The following CCDC3 variants were observed in gnomAD, a reference collection of about 807,000 sequenced individuals.
The protein encoded by CCDC3 is coiled-coil domain-containing protein 3.
A neutral mutation model predicts 21.4 loss-of-function variants in CCDC3; 24 were observed. The observed-to-expected ratio is 1.12, with a 90% CI of 0.81 to 1.58. CCDC3 has a LOEUF of 1.58. Ranked by LOEUF, CCDC3 falls within the 40% of genes most tolerant of loss-of-function variation. The pLI, the probability that CCDC3 is intolerant of heterozygous loss-of-function variation, is 0.00. For missense variants in CCDC3, 425 were observed against 360.9 expected (o/e 1.18, Z -1.44); for synonymous variants, 186 against 166.0 (o/e 1.12, Z -0.93).
chr10:13,029,863 GA>G (rs1397097469), intron 5 of CCDC3, among the ~76,000 whole-genome samples: 1 of 152,204 alleles, frequency 6.6e-6, no homozygotes, highest in Non-Finnish European at 1.5e-5. Context: ...ATCTAGGTCT[GA>G]TTGGTATACC....
intron 5 of CCDC3, among the ~76,000 whole-genome samples, chr10:13,016,164 G>A (rs976347768): frequency 6.6e-6 from 1 of 151,850 alleles, no homozygotes; most frequent in Admixed American, 6.6e-5. Flanking sequence ...ATGGTCCAAA[G>A]TCAGATACTT....
chr10:12,898,224 G>T lies in CCDC3; in HGVS notation c.*192C>A, dbSNP rs556329048. 7 of 667,670 alleles carry T rather than the reference G, an allele frequency of 1.0e-5. No individual in the cohort carries two copies. In the African/African-American group the frequency reaches 1.1e-4, roughly 10 times the overall value. 41.4% of individuals were successfully genotyped at this position (667,670 alleles called of 1,614,324 possible). A position where few individuals can be genotyped will look rare whatever the true frequency, so the allele number is the denominator to read the frequency against. On this transcript the variant is annotated 3_prime_UTR_variant, in exon 3 of 3. Coordinates refer to ENST00000378825, the MANE Select transcript of CCDC3 (RefSeq NM_031455.4). ...TGGGGTCAGGCCAGGAAGGGGCAGC[G>T]CGTGGGGTCTGACATTGAGGCCAGC...
At chr10:13,072,036 A>G (rs1395423747) in intron 4 of CCDC3, among the ~76,000 whole-genome samples, 2 of 152,068 alleles carry the variant, frequency 1.3e-5, no homozygotes, top group Non-Finnish European at 2.9e-5. Flanking sequence ...GCAAAAGGGT[A>G]GTTTCATTTT....
intron 2 of CCDC3, among the ~76,000 whole-genome samples, chr10:12,914,840 T>G (rs1589002437): frequency 6.6e-6 from 1 of 152,208 alleles, no homozygotes; most frequent in Non-Finnish European, 1.5e-5. Context: ...TTCTGTATTA[T>G]TTTTCTACTC....
intron 5 of CCDC3, among the ~76,000 whole-genome samples, chr10:13,035,260 T>C (rs1377351362): frequency 5.3e-5 from 8 of 152,076 alleles, no homozygotes; most frequent in African/African-American, 1.9e-4. Context: ...CTTAGGTTAT[T>C]TTTTCTGCTA....
intron 5 of CCDC3, among the ~76,000 whole-genome samples, chr10:13,030,172 G>T (rs539842272): frequency 2.1e-4 from 32 of 152,356 alleles, no homozygotes; most frequent in African/African-American, 7.7e-4. Flanking sequence ...CCAGAAGAGA[G>T]TGGGAGCTAA....
chr10:13,067,695 G>C (rs914578540), intron 4 of CCDC3, among the ~76,000 whole-genome samples: 1 of 152,072 alleles, frequency 6.6e-6, no homozygotes, highest in South Asian at 2.1e-4. Flanking sequence ...TTTGATATCT[G>C]CATGATCTGT....
At chr10:13,082,589 G>A (rs1429985506) in intron 3 of CCDC3, among the ~76,000 whole-genome samples, 1 of 152,178 alleles carries the variant, frequency 6.6e-6, no homozygotes, top group East Asian at 1.9e-4. Context: ...GGGAAAGGGA[G>A]ACTCCCTTTC....
chr10:12,983,679 AAAAAT>A (rs946735041), intron 2 of CCDC3, among the ~76,000 whole-genome samples: 2 of 152,164 alleles, frequency 1.3e-5, no homozygotes, highest in African/African-American at 4.8e-5. Flanking sequence ...AAAAAAAAAA[AAAAAT>A]GGGCAAAAGA....
At chr10:13,063,824 T>C (rs1836791097) in intron 4 of CCDC3, among the ~76,000 whole-genome samples, 1 of 152,222 alleles carries the variant, frequency 6.6e-6, no homozygotes, top group African/African-American at 2.4e-5. Flanking sequence ...TTGTATGTTC[T>C]AGCTCTCTGC....
At chr10:12,971,502 C>T (rs1387105671) in intron 2 of CCDC3, among the ~76,000 whole-genome samples, 1 of 152,166 alleles carries the variant, frequency 6.6e-6, no homozygotes, top group Non-Finnish European at 1.5e-5. Flanking sequence ...GATCCAGTGT[C>T]CTCCTGGCAT....
chr10:12,970,124 A>G (rs137989807), intron 2 of CCDC3, among the ~76,000 whole-genome samples: 100 of 152,220 alleles, frequency 6.6e-4, no homozygotes, highest in African/African-American at 2.4e-3. Context: ...TGGTAATTTA[A>G]AAGTTACAGG....
At chr10:13,018,291 T>C (rs1012984633) in intron 5 of CCDC3, among the ~76,000 whole-genome samples, 3 of 151,272 alleles carry the variant, frequency 2.0e-5, no homozygotes, top group Non-Finnish European at 4.4e-5. Context: ...TGGAGGGGAG[T>C]CTTCCTGCTG....
intron 2 of CCDC3, among the ~76,000 whole-genome samples, chr10:12,972,964 G>A (rs1018334621): frequency 3.3e-5 from 5 of 152,200 alleles, no homozygotes; most frequent in African/African-American, 2.4e-5. Context: ...TGCAGCTCGT[G>A]ACCAGGCAGC....
chr10:13,068,307 C>T (rs1038022246), intron 4 of CCDC3, among the ~76,000 whole-genome samples: 5 of 152,016 alleles, frequency 3.3e-5, no homozygotes, highest in African/African-American at 1.2e-4. Flanking sequence ...ACAGCTACTG[C>T]ATTTTCTTCT....
chr10:13,031,268 G>T (rs1836297029), intron 5 of CCDC3, among the ~76,000 whole-genome samples: 1 of 152,092 alleles, frequency 6.6e-6, no homozygotes, highest in Non-Finnish European at 1.5e-5. Context: ...CGAAATGAAG[G>T]CAGAAATAAA....
At chr10:12,955,214 GAAGTA>G (rs1231769403) in intron 2 of CCDC3, among the ~76,000 whole-genome samples, 2 of 152,194 alleles carry the variant, frequency 1.3e-5, no homozygotes, top group Non-Finnish European at 2.9e-5. Context: ...TTTCCTTAAA[GAAGTA>G]AAGATCCCTT....
intron 3 of CCDC3, among the ~76,000 whole-genome samples, chr10:13,080,681 C>T (rs963312859): frequency 8.5e-5 from 13 of 152,186 alleles, no homozygotes; most frequent in Non-Finnish European, 1.6e-4. Flanking sequence ...CATTAGGGGC[C>T]CTCCAGCGCA....
chr10:13,023,963 A>C (rs919595864), intron 5 of CCDC3, among the ~76,000 whole-genome samples: 5 of 152,190 alleles, frequency 3.3e-5, no homozygotes, highest in African/African-American at 1.2e-4. Flanking sequence ...GGTACACAGA[A>C]GTTACTGGTC....
Sources: allele counts gnomAD v4.1 joint callset (sites outside exome capture counted in the v4.1 genomes callset), GRCh38; gene constraint gnomAD v4.1.1; transcripts MANE v1.5; gene names NCBI Gene and HGNC (gene_info 2026-07-23, HGNC 2026-07-21).